The following ZBED3 variants were observed in gnomAD, a reference collection of about 807,000 sequenced individuals.
The protein encoded by ZBED3 is zinc finger BED domain-containing protein 3.
For missense variants in ZBED3, 388 were observed against 362.9 expected (o/e 1.07, Z -0.56); for synonymous variants, 175 against 180.0 (o/e 0.97, Z 0.22).
chr5:77,080,370 C>A (rs1396242177), intron 1 of ZBED3: 1 of 425,768 alleles, frequency 2.3e-6, no homozygotes, highest in Non-Finnish European at 4.6e-6. Flanking sequence ...GAAGCACTGA[C>A]TTCGATGTCT....
In ZBED3 at chr5:77,077,332, G is replaced by A. The variant is rs545218118; in HGVS notation, c.547C>T (p.Arg183Trp). The part of the protein sequence containing the change: ...EEERAAAQAR[R>W]ELQAEREALQ... ...GCCTCCCGCTCGGCCTGCAGTTCCC[G>A]GCGCGCCTGGGCCGCGGCGCGCTCT... Residue 183 changes from arginine to tryptophan, a missense_variant, in exon 3 of 3, where the codon CGG becomes TGG. By Grantham distance (101) the Arg-to-Trp change is moderately radical (BLOSUM62 -3). Coordinates refer to ENST00000255198, the MANE Select transcript of ZBED3 (RefSeq NM_032367.4). The A allele has an allele frequency of 3.2e-6, 4 of 1,261,624 alleles. No individual in the cohort carries two copies. The African/African-American group carries it at 4.7e-5, about 15-fold the overall frequency. 78.2% of individuals were successfully genotyped at this position (1,261,624 alleles called of 1,614,324 possible). A position where few individuals can be genotyped will look rare whatever the true frequency, so the allele number is the denominator to read the frequency against.
chr5:77,073,375 C>T lies in ZBED3; in HGVS notation c.*3799G>A, dbSNP rs941762862. On this transcript the variant is annotated 3_prime_UTR_variant, in exon 3 of 3. Coordinates refer to ENST00000255198, the MANE Select transcript of ZBED3 (RefSeq NM_032367.4). ...TAAAAAGGAAATTCAGATCATCTAG[C>T]CCAATTTATAAATCCATATGAAGAA... 6.6e-6 allele frequency: 1 copy of T among 151,950 alleles called. No homozygotes were observed. Among genetic ancestry groups the T allele is most frequent in the Non-Finnish European group, 1.5e-5 (1 of 68,000 alleles). 9.4% of individuals were successfully genotyped at this position (151,950 alleles called of 1,614,324 possible). A position where few individuals can be genotyped will look rare whatever the true frequency, so the allele number is the denominator to read the frequency against.
intron 1 of ZBED3, among the ~76,000 whole-genome samples, chr5:77,083,145 C>A (rs1561299516): frequency 6.6e-6 from 1 of 151,988 alleles, no homozygotes; most frequent in Non-Finnish European, 1.5e-5. Flanking sequence ...CTCAGAAAAA[C>A]AAAAAACAAA....
chr5:77,077,134 C>G lies in ZBED3; in HGVS notation c.*40G>C, dbSNP rs1261106700. 2 of 1,337,630 alleles carry G rather than the reference C, an allele frequency of 1.5e-6. No individual in the cohort carries two copies. Among genetic ancestry groups the G allele is most frequent in the African/African-American group, 3.1e-5 (2 of 65,564 alleles). 82.9% of individuals were successfully genotyped at this position (1,337,630 alleles called of 1,614,324 possible). On this transcript the variant is annotated 3_prime_UTR_variant, in exon 3 of 3. Coordinates refer to ENST00000255198, the MANE Select transcript of ZBED3 (RefSeq NM_032367.4). ...GGGGTCTGAAGGCATTGGCATTGGA[C>G]GGAGAAGCGCTGTCCTGGGGTGGGG... is the stretch of plus-strand genomic sequence containing the variant.
In ZBED3 at chr5:77,077,936, C is replaced by T. The variant is rs1580146275; in HGVS notation, c.-17-41G>A. On this transcript the variant is annotated intron_variant, in intron 2 of 2. Transcript: ENST00000255198. ...AGAATAATAATGAGTGTTAGGATCA[C>T]GCACACAGCTCCTAGACTACAGTTA... 17 of 1,209,966 alleles carry T rather than the reference C, an allele frequency of 1.4e-5. No homozygotes were observed. In the East Asian group the frequency reaches 5.4e-4, roughly 39 times the overall value. 75.0% of individuals were successfully genotyped at this position (1,209,966 alleles called of 1,614,324 possible).
At position 77,087,254 on chromosome 5, in the gene ZBED3, A is replaced by G. The variant is rs933390008; in HGVS notation, c.-296T>C. The G allele has an allele frequency of 1.3e-5, 2 of 152,366 alleles. No individual in the cohort carries two copies. Among genetic ancestry groups the G allele is most frequent in the African/African-American group, 4.8e-5 (2 of 41,570 alleles). The allele number at this position is 152,366 out of a possible 1,614,324, so 9.4% of individuals were successfully genotyped here. On this transcript the variant is annotated 5_prime_UTR_variant, in exon 1 of 3. Coordinates refer to ENST00000255198, the MANE Select transcript of ZBED3 (RefSeq NM_032367.4). Reference sequence around the variant, plus strand: ...CTTAAAGACACAGCGCTGCATTCACACGTCTGCGGGGAAAGGGGGGCCGTC... The same window carrying G: ...CTTAAAGACACAGCGCTGCATTCACGCGTCTGCGGGGAAAGGGGGGCCGTC...
At position 77,074,657 on chromosome 5, in the gene ZBED3, A is replaced by G. The variant is rs1454104730; in HGVS notation, c.*2517T>C. 3 of 152,214 alleles carry G rather than the reference A, an allele frequency of 2.0e-5. No homozygotes were observed. The highest frequency in any genetic ancestry group is 7.2e-5 in the African/African-American group (3 of 41,438). The allele number at this position is 152,214 out of a possible 1,614,324, so 9.4% of individuals were successfully genotyped here. ...AATATTAATGTCACTAATTCCAGTC[A>G]ATTCCATTAACTGGAATTAATTAGT... On this transcript the variant is annotated 3_prime_UTR_variant, in exon 3 of 3. Coordinates refer to ENST00000255198, the MANE Select transcript of ZBED3 (RefSeq NM_032367.4).
In ZBED3 at chr5:77,074,712, G is replaced by A. The variant is rs888413167; in HGVS notation, c.*2462C>T. 2 of 152,234 alleles carry A rather than the reference G, an allele frequency of 1.3e-5. No homozygotes were observed. The highest frequency in any genetic ancestry group is 2.4e-5 in the African/African-American group (1 of 41,434). The allele number at this position is 152,234 out of a possible 1,614,324, so 9.4% of individuals were successfully genotyped here. A position where few individuals can be genotyped will look rare whatever the true frequency, so the allele number is the denominator to read the frequency against. On this transcript the variant is annotated 3_prime_UTR_variant, in exon 3 of 3. Transcript: ENST00000255198. ...GTTAGGAAGGAAACAGGTGTCAGCT[G>A]GGTCGACTGAAGGAAGCAGAGATCT... is the stretch of plus-strand genomic sequence containing the variant.
chr5:77,077,369 C>T lies in ZBED3; in HGVS notation c.510G>A (p.Ala170=), dbSNP rs1454872405. The change falls in exon 3 of 3, where the codon GCG becomes GCA. Residue 170 remains alanine (A), a synonymous_variant. Transcript: ENST00000255198. ...GERALERRRR[A]LQEEERAAAQ... is the part of the protein sequence containing the mutation. Reference sequence around the variant, plus strand: ...CCGCGGCGCGCTCTTCCTCCTGCAGCGCCCTCCGCCTCCGCTCCAGGGCGC... The same window carrying T: ...CCGCGGCGCGCTCTTCCTCCTGCAGTGCCCTCCGCCTCCGCTCCAGGGCGC... The T allele has an allele frequency of 8.0e-6, 10 of 1,253,646 alleles. No homozygotes were observed. Among genetic ancestry groups the T allele is most frequent in the Non-Finnish European group, 9.0e-6 (9 of 1,001,446 alleles). 77.7% of individuals were successfully genotyped at this position (1,253,646 alleles called of 1,614,324 possible).
In ZBED3 at chr5:77,077,887, G is replaced by T. The variant is rs552620111; in HGVS notation, c.-9C>A. The T allele has an allele frequency of 4.0e-6, 5 of 1,251,974 alleles. No homozygotes were observed. The South Asian group carries it at 1.3e-4, about 33-fold the overall frequency. 77.6% of individuals were successfully genotyped at this position (1,251,974 alleles called of 1,614,324 possible). ...GGCTCGCCACTCCTCATTCTGCGGCGCCCGCACGCTGGGGAGCAGGGGAAG... is the reference window on the plus strand; with the variant it reads ...GGCTCGCCACTCCTCATTCTGCGGCTCCCGCACGCTGGGGAGCAGGGGAAG... On this transcript the variant is annotated 5_prime_UTR_variant, in exon 3 of 3. Transcript: ENST00000255198.
At position 77,086,332 on chromosome 5, in the gene ZBED3, T is replaced by C. The variant is rs1743238194; in HGVS notation, c.-153+779A>G. ...TATAATACGTATTGCTGTCTACTTT[T>C]TTTTTTATTCTTGGCTGCCTCAAGC... On this transcript the variant is annotated intron_variant, in intron 1 of 2. Coordinates refer to ENST00000255198, the MANE Select transcript of ZBED3 (RefSeq NM_032367.4). Among the ~76,000 whole-genome samples, 2 of 152,164 alleles carry C rather than the reference T, an allele frequency of 1.3e-5. 1 individual carries two copies. The highest frequency in any genetic ancestry group is 4.1e-4 in the South Asian group (2 of 4,822).
intron 2 of ZBED3, among the ~76,000 whole-genome samples, chr5:77,078,189 A>G (rs1743064775): frequency 6.6e-6 from 1 of 152,234 alleles, no homozygotes; most frequent in South Asian, 2.1e-4. Context: ...CTGCTTGAAC[A>G]GAAAGAACTA....
At chr5:77,081,748 T>G (rs1454028543) in intron 1 of ZBED3, among the ~76,000 whole-genome samples, 2 of 152,102 alleles carry the variant, frequency 1.3e-5, no homozygotes, top group Non-Finnish European at 1.5e-5. Context: ...AACACAAAGG[T>G]GCCAATGAAT....
intron 1 of ZBED3, among the ~76,000 whole-genome samples, chr5:77,085,741 C>CT (rs1743224547): frequency 6.6e-6 from 1 of 152,208 alleles, no homozygotes; most frequent in Non-Finnish European, 1.5e-5. Context: ...TATTAGTTTA[C>CT]TGCCATATAT....
chr5:77,083,330 C>G (rs763999000), intron 1 of ZBED3, among the ~76,000 whole-genome samples: 2 of 152,138 alleles, frequency 1.3e-5, no homozygotes, highest in African/African-American at 2.4e-5. Flanking sequence ...TTGCTGTGCT[C>G]TGCAGAAGGA....
rs1013192330 is a variant in ZBED3 at position 77,075,717 on chromosome 5, G to C, written c.*1457C>G. 22 of 151,270 alleles carry C rather than the reference G, an allele frequency of 1.5e-4. No homozygotes were observed. Among genetic ancestry groups the C allele is most frequent in the African/African-American group, 5.3e-4 (22 of 41,126 alleles). The allele number at this position is 151,270 out of a possible 1,614,324, so 9.4% of individuals were successfully genotyped here. Reference sequence around the variant, plus strand: ...CAATATAAAAAAATAAGAAAAAAAAGAGGCCTATGGAAAAACTGGGAACCA... The same window carrying C: ...CAATATAAAAAAATAAGAAAAAAAACAGGCCTATGGAAAAACTGGGAACCA... On this transcript the variant is annotated 3_prime_UTR_variant, in exon 3 of 3. Transcript: ENST00000255198.
Position 77,076,047 on chromosome 5 carries a change from A to ATGTATATG in ZBED3, c.*1126_*1127insCATATACA, listed in dbSNP as rs1363762350. On this transcript the variant is annotated 3_prime_UTR_variant, in exon 3 of 3. Transcript: ENST00000255198. Reference sequence around the variant, plus strand: ...TATATATATATGTATATATGTATATATATATATAATATATACACACATAAA... The same window carrying ATGTATATG: ...TATATATATATGTATATATGTATATATGTATATGTATATATAATATATACACACATAAA... The ATGTATATG allele has an allele frequency of 7.6e-6, 1 of 131,342 alleles. No homozygotes were observed. Among genetic ancestry groups the ATGTATATG allele is most frequent in the Non-Finnish European group, 1.6e-5 (1 of 62,892 alleles). 8.1% of individuals were successfully genotyped at this position (131,342 alleles called of 1,614,324 possible).
rs149722735 is a variant in ZBED3, at chr5:77,077,173, C to G, written c.*1G>C. On this transcript the variant is annotated 3_prime_UTR_variant, in exon 3 of 3. Transcript: ENST00000255198. ...CCTGGGGTGGGGAAGTGGCCACACC[C>G]CTACAGGAGGACCTTTGTGATGACG... 1.8e-4 allele frequency: 266 copies of G among 1,472,580 alleles called. 2 individuals carry two copies. The African/African-American group carries it at 3.3e-3, about 18-fold the overall frequency. The allele number at this position is 1,472,580 out of a possible 1,614,324, so 91.2% of individuals were successfully genotyped here.
Position 77,075,966 on chromosome 5 carries a change from TGTATATGTATATATG to T in ZBED3, c.*1193_*1207del. 2.1e-4 allele frequency: 3 copies of T among 14,140 alleles called. No homozygotes were observed. Among genetic ancestry groups the T allele is most frequent in the African/African-American group, 9.3e-4 (3 of 3,216 alleles). The allele number at this position is 14,140 out of a possible 1,614,324, so 0.9% of individuals were successfully genotyped here. ...ATACATATATATATATATATATATA[TGTATATGTATATATG>T]TATATATATATGTATATATGTATAT... On this transcript the variant is annotated 3_prime_UTR_variant, in exon 3 of 3. Transcript: ENST00000255198.
Sources: gnomAD v4.1 joint callset for allele counts (sites outside exome capture counted in the v4.1 genomes callset) on GRCh38, gnomAD v4.1.1 for gene constraint, MANE v1.5 for transcripts, NCBI Gene and HGNC (gene_info 2026-07-23, HGNC 2026-07-21) for gene names.